SGCZ: variants seen among roughly 807,000 people sequenced by gnomAD.
SGCZ encodes the protein sarcoglycan zeta, also known as zeta-sarcoglycan.
Under a neutral mutation model 41.3 loss-of-function variants are expected in SGCZ, and 40 were observed. The observed-to-expected ratio is 0.97, with a 90% confidence interval of 0.75 to 1.26. SGCZ has a LOEUF of 1.26. Among genes scored for constraint, SGCZ ranks in the 50% most tolerant of loss-of-function variants. SGCZ has a pLI of 0.00. For synonymous variants in SGCZ, 206 were observed against 137.5 expected, an observed-to-expected ratio of 1.50 and a Z score of -3.49; for missense variants, 552 against 369.8, an observed-to-expected ratio of 1.49 and a Z score of -4.04.
At chr8:14,804,475 A>G (rs896975982) in intron 1 of SGCZ, among the ~76,000 whole-genome samples, 3 of 126,210 alleles carry the variant, frequency 2.4e-5, no homozygotes, top group Non-Finnish European at 3.4e-5. Flanking sequence ...AAGAAAGGGT[A>G]TCAGCAGTGG....
At chr8:15,069,858 C>T (rs982031941) in intron 1 of SGCZ, among the ~76,000 whole-genome samples, 5 of 152,006 alleles carry the variant, frequency 3.3e-5, no homozygotes, top group Admixed American at 3.3e-4. Context: ...GCTTTAATAC[C>T]TGTGCTCTTT....
At chr8:14,754,423 T>C (rs756890624) in intron 1 of SGCZ, among the ~76,000 whole-genome samples, 3 of 152,194 alleles carry the variant, frequency 2.0e-5, no homozygotes, top group East Asian at 3.9e-4. Context: ...CATTTTTGTA[T>C]GTGGACATAT....
rs561603334 is a variant in SGCZ, at chr8:14,321,254, G to A, written c.336+2849C>T. 2.4e-3 allele frequency among the ~76,000 whole-genome samples: 360 copies of A among 152,010 alleles called. 2 individuals carry two copies. The highest frequency in any genetic ancestry group is 8.3e-3 in the African/African-American group (344 of 41,486). On this transcript the variant is annotated intron_variant, in intron 3 of 7. Coordinates refer to ENST00000382080, the MANE Select transcript of SGCZ (RefSeq NM_139167.4). Reference sequence around the variant, plus strand: ...ACATTGAATTCTAAGATATTTCCTGGATACACTATGATATGTTTTTCTGTT... The same window carrying A: ...ACATTGAATTCTAAGATATTTCCTGAATACACTATGATATGTTTTTCTGTT...
intron 3 of SGCZ, among the ~76,000 whole-genome samples, chr8:14,258,847 T>G (rs1383005888): frequency 6.6e-6 from 1 of 152,170 alleles, no homozygotes; most frequent in Non-Finnish European, 1.5e-5. Context: ...TTGTAGAAAC[T>G]ATTCAAGAAC....
intron 2 of SGCZ, among the ~76,000 whole-genome samples, chr8:14,501,785 T>C (rs900438600): frequency 1.3e-5 from 2 of 152,064 alleles, no homozygotes; most frequent in African/African-American, 4.8e-5. Context: ...GTATTCTAAA[T>C]ACAACTCCAA....
chr8:14,240,617 G>A (rs1345466598), intron 3 of SGCZ, among the ~76,000 whole-genome samples: 2 of 152,100 alleles, frequency 1.3e-5, no homozygotes, highest in Non-Finnish European at 2.9e-5. Context: ...TCTATGCTGT[G>A]TTCCTATGAA....
chr8:14,841,206 G>A (rs1017838122), intron 1 of SGCZ, among the ~76,000 whole-genome samples: 28 of 152,150 alleles, frequency 1.8e-4, no homozygotes, highest in African/African-American at 6.0e-4. Context: ...CAGACTAAAT[G>A]TTATGGGCTG....
chr8:15,196,817 G>A (rs975103167), intron 1 of SGCZ, among the ~76,000 whole-genome samples: 1 of 152,126 alleles, frequency 6.6e-6, no homozygotes, highest in African/African-American at 2.4e-5. Flanking sequence ...CTCTTCTGGT[G>A]GTGGCTGGGC....
chr8:14,795,537 G>C (rs1278600972), intron 1 of SGCZ, among the ~76,000 whole-genome samples: 4 of 152,022 alleles, frequency 2.6e-5, no homozygotes, highest in Non-Finnish European at 4.4e-5. Context: ...CCACCTCCTA[G>C]ACACAAGGAA....
intron 1 of SGCZ, among the ~76,000 whole-genome samples, chr8:14,826,184 T>A (rs914197803): frequency 1.3e-5 from 2 of 150,646 alleles, no homozygotes; most frequent in Non-Finnish European, 3.0e-5. Flanking sequence ...ACATGCAGTG[T>A]TTGGTTTTTT....
chr8:14,827,917 T>C (rs1040483080), intron 1 of SGCZ, among the ~76,000 whole-genome samples: 4 of 152,090 alleles, frequency 2.6e-5, no homozygotes, highest in African/African-American at 9.7e-5. Flanking sequence ...ACAAGGGATC[T>C]TCAAATCATT....
At chr8:15,020,997 C>T (rs950563155) in intron 1 of SGCZ, among the ~76,000 whole-genome samples, 6 of 152,056 alleles carry the variant, frequency 3.9e-5, no homozygotes, top group African/African-American at 1.2e-4. Flanking sequence ...GAAAATTTTG[C>T]TAAAAGAGAC....
chr8:14,893,270 T>C (rs1443956817), intron 1 of SGCZ, among the ~76,000 whole-genome samples: 1 of 152,122 alleles, frequency 6.6e-6, no homozygotes, highest in East Asian at 1.9e-4. Flanking sequence ...AGCAAAGGAA[T>C]GTGGGGAGCT....
intron 1 of SGCZ, among the ~76,000 whole-genome samples, chr8:15,189,239 C>T (rs1417830548): frequency 6.6e-6 from 1 of 152,128 alleles, no homozygotes; most frequent in East Asian, 1.9e-4. Flanking sequence ...TCAATTTTGT[C>T]AGAAAGTAAA....
At chr8:14,747,198 G>A (rs553117658) in intron 1 of SGCZ, among the ~76,000 whole-genome samples, 8 of 152,310 alleles carry the variant, frequency 5.3e-5, no homozygotes, top group South Asian at 4.1e-4. Flanking sequence ...ATGAAGCACC[G>A]TGTTAGGACC....
intron 1 of SGCZ, among the ~76,000 whole-genome samples, chr8:14,626,927 C>T (rs112532369): frequency 3.9e-4 from 59 of 152,150 alleles, no homozygotes; most frequent in African/African-American, 1.1e-3. Context: ...TGAGATAGCA[C>T]GATTTACTGC....
chr8:14,356,395 A>G (rs1267887032), intron 2 of SGCZ, among the ~76,000 whole-genome samples: 1 of 152,166 alleles, frequency 6.6e-6, no homozygotes, highest in African/African-American at 2.4e-5. Context: ...AAAAATTCCT[A>G]CATGCTAGAG....
chr8:14,340,460 AG>A (rs1802663539), intron 2 of SGCZ, among the ~76,000 whole-genome samples: 1 of 152,146 alleles, frequency 6.6e-6, no homozygotes, highest in African/African-American at 2.4e-5. Flanking sequence ...AACACATTAC[AG>A]TTCACTGGTT....
intron 2 of SGCZ, among the ~76,000 whole-genome samples, chr8:14,450,930 C>G (rs1250424998): frequency 6.6e-6 from 1 of 152,110 alleles, no homozygotes; most frequent in Non-Finnish European, 1.5e-5. Context: ...TTGGGGCAGA[C>G]AGAATATGGT....
Sources: allele counts gnomAD v4.1 joint callset (sites outside exome capture counted in the v4.1 genomes callset), GRCh38; gene constraint gnomAD v4.1.1; transcripts MANE v1.5; gene names NCBI Gene and HGNC (gene_info 2026-07-23, HGNC 2026-07-21).